The following PTPN4 variants were observed in gnomAD, a reference collection of about 807,000 sequenced individuals.
PTPN4 encodes the protein protein tyrosine phosphatase non-receptor type 4, also known as tyrosine-protein phosphatase non-receptor type 4.
A neutral mutation model predicts 135.5 loss-of-function variants in PTPN4; 49 were observed. That is an observed-to-expected ratio of 0.36 (90% confidence interval 0.29 to 0.46). The LOEUF (loss-of-function observed/expected upper bound fraction) is 0.46, where lower values mean the gene tolerates loss of function less well. PTPN4 is among the 20% of genes least tolerant of loss of function. PTPN4 has a pLI of 1.00. For synonymous variants in PTPN4, 333 were observed against 369.9 expected (o/e 0.90, Z 1.14); for missense variants, 860 against 1,101.0 (o/e 0.78, Z 3.10).
At chr2:119,950,804 C>T (rs538047360) in intron 18 of PTPN4, among the ~76,000 whole-genome samples, 15 of 152,180 alleles carry the variant, frequency 9.9e-5, no homozygotes, top group African/African-American at 3.6e-4. Flanking sequence ...TTTGTCTTCT[C>T]ACTTTGTGCT....
At chr2:119,941,070 A>G (rs746274582) in intron 15 of PTPN4, among the ~76,000 whole-genome samples, 1 of 152,100 alleles carries the variant, frequency 6.6e-6, no homozygotes, top group Non-Finnish European at 1.5e-5. Context: ...AAATTGCATC[A>G]TGTCTCTTCA....
chr2:119,897,138 G>T (rs1360090807), intron 9 of PTPN4, among the ~76,000 whole-genome samples: 2 of 151,976 alleles, frequency 1.3e-5, no homozygotes, highest in African/African-American at 4.8e-5. Flanking sequence ...TCACCATGTT[G>T]GCCAGGCTGA....
intron 8 of PTPN4, among the ~76,000 whole-genome samples, 168 bp downstream of exon 8, chr2:119,882,791 A>G (rs1030633691): frequency 1.3e-5 from 2 of 152,200 alleles, no homozygotes; most frequent in Non-Finnish European, 2.9e-5. Context: ...AAACGATTTC[A>G]TAGAATATAT....
intron 10 of PTPN4, 72 bp from the exon 11 acceptor site, chr2:119,915,107 A>C: frequency 7.9e-7 from 1 of 1,271,170 alleles, no homozygotes; most frequent in South Asian, 1.5e-5. Context: ...TACACTTAAA[A>C]CATTTTTTCA....
At chr2:119,899,003 G>C (rs982807760) in intron 9 of PTPN4, among the ~76,000 whole-genome samples, 1 of 152,052 alleles carries the variant, frequency 6.6e-6, no homozygotes, top group African/African-American at 2.4e-5. Context: ...TTTTGTATTT[G>C]TGATTTCTGG....
At chr2:119,787,645 C>G (rs1691069150) in intron 1 of PTPN4, among the ~76,000 whole-genome samples, 1 of 152,106 alleles carries the variant, frequency 6.6e-6, no homozygotes, top group South Asian at 2.1e-4. Context: ...ATAAATGAAT[C>G]TTTAAGGTAT....
chr2:119,955,347 A>T, intron 20 of PTPN4, 24 bp downstream of exon 20: 3 of 1,512,736 alleles, frequency 2.0e-6, no homozygotes, highest in African/African-American at 2.8e-5. Context: ...TTATATATTA[A>T]AAGCATTTTG....
chr2:119,860,707 G>A (rs1461786403), intron 2 of PTPN4, among the ~76,000 whole-genome samples: 1 of 152,124 alleles, frequency 6.6e-6, no homozygotes, highest in African/African-American at 2.4e-5. Context: ...ATTTTCTGTT[G>A]CTATAACAGA....
At chr2:119,866,388 C>T (rs1300420849) in intron 3 of PTPN4, among the ~76,000 whole-genome samples, 2 of 152,022 alleles carry the variant, frequency 1.3e-5, no homozygotes, top group Non-Finnish European at 2.9e-5. Context: ...CTGGTTTACT[C>T]CTCTTTGCAT....
At chr2:119,780,094 A>C (rs1367189856) in intron 1 of PTPN4, among the ~76,000 whole-genome samples, 1 of 152,114 alleles carries the variant, frequency 6.6e-6, no homozygotes, top group Non-Finnish European at 1.5e-5. Flanking sequence ...TATTTTGAAT[A>C]ATATCATGCC....
Position 119,960,792 on chromosome 2 carries a change from C to T in PTPN4, c.2134-15C>T, listed in dbSNP as rs1679354806. 2 of 1,602,776 alleles carry T rather than the reference C, an allele frequency of 1.2e-6. No individual in the cohort carries two copies. The highest frequency in any genetic ancestry group is 1.7e-6 in the Non-Finnish European group (2 of 1,176,704). On this transcript the variant is annotated splice_polypyrimidine_tract_variant and intron_variant, in intron 22 of 26. Transcript: ENST00000263708. Reference sequence around the variant, plus strand: ...TAATGCAAAACATTTTATTTTCATGCCCTTTTCTTTTTAGATGGAAATTCC... The same window carrying T: ...TAATGCAAAACATTTTATTTTCATGTCCTTTTCTTTTTAGATGGAAATTCC...
intron 1 of PTPN4, among the ~76,000 whole-genome samples, chr2:119,775,096 GAAAAAAAAAAAAA>G (rs35234122): frequency 0.037 from 2,507 of 66,914 alleles, 106 homozygotes; most frequent in African/African-American, 0.13. Flanking sequence ...GCCCTATTCT[GAAAAAAAAAAAAA>G]AAAAAAAAAA....
intron 2 of PTPN4, among the ~76,000 whole-genome samples, chr2:119,825,889 T>C (rs986242523): frequency 9.2e-5 from 14 of 152,218 alleles, no homozygotes; most frequent in African/African-American, 3.4e-4. Context: ...CTATATGTCA[T>C]TGTGAAAAGT....
intron 2 of PTPN4, among the ~76,000 whole-genome samples, chr2:119,815,135 C>T (rs1676966838): frequency 6.6e-6 from 1 of 152,132 alleles, no homozygotes; most frequent in South Asian, 2.1e-4. Context: ...ATGACCTTTA[C>T]TTCTATTGAA....
chr2:119,773,330 T>C (rs779484767), intron 1 of PTPN4, among the ~76,000 whole-genome samples: 7 of 152,274 alleles, frequency 4.6e-5, no homozygotes, highest in South Asian at 2.1e-4. Context: ...GGTCCACTTA[T>C]ACGTGGATTT....
At position 119,760,367 on chromosome 2, in the gene PTPN4, C is replaced by T. The variant is rs1690458791; in HGVS notation, c.-35C>T. On this transcript the variant is annotated 5_prime_UTR_variant, in exon 1 of 27. Coordinates refer to ENST00000263708, the MANE Select transcript of PTPN4 (RefSeq NM_002830.4). ...CTTTTTTTCTCCAGCCGAGAGGACG[C>T]GGCTGTGATATACGAAGGTAAGAGG... 1 of 391,558 alleles carries T rather than the reference C, an allele frequency of 2.6e-6. No homozygotes were observed. The highest frequency in any genetic ancestry group is 3.6e-5 in the East Asian group (1 of 27,636). The allele number at this position is 391,558 out of a possible 1,614,324, so 24.3% of individuals were successfully genotyped here.
chr2:119,814,793 C>T (rs950040333), intron 2 of PTPN4, among the ~76,000 whole-genome samples: 14 of 151,970 alleles, frequency 9.2e-5, no homozygotes, highest in Non-Finnish European at 1.9e-4. Context: ...TTATTAAATA[C>T]CAAACTTTAA....
chr2:119,885,657 G>T, intron 8 of PTPN4, 138 bp from the exon 9 acceptor site: 1 of 478,968 alleles, frequency 2.1e-6, no homozygotes, highest in East Asian at 3.3e-5. Context: ...AGATAAGTTA[G>T]AGGAGTAGTC....
intron 9 of PTPN4, among the ~76,000 whole-genome samples, chr2:119,889,469 T>C (rs1323190278): frequency 1.3e-5 from 2 of 152,206 alleles, no homozygotes; most frequent in African/African-American, 4.8e-5. Context: ...GTAGTATCAG[T>C]TGCAGTGTCT....
Sources: gnomAD v4.1 joint callset for allele counts (sites outside exome capture counted in the v4.1 genomes callset) on GRCh38, gnomAD v4.1.1 for gene constraint, MANE v1.5 for transcripts, NCBI Gene and HGNC (gene_info 2026-07-23, HGNC 2026-07-21) for gene names.